The following TENM3 variants were observed in gnomAD, a reference collection of about 807,000 sequenced individuals.
TENM3 encodes teneurin transmembrane protein 3, also known as teneurin-3.
In TENM3, 63 loss-of-function variants were observed where a neutral mutation model predicts 255.1. That is an observed-to-expected ratio of 0.25 (90% CI 0.20 to 0.30). TENM3 has a LOEUF of 0.30. Ranked by LOEUF, TENM3 falls within the 10% of genes least tolerant of loss-of-function variation. The pLI is 1.00. For missense variants in TENM3, 2,929 were observed against 3,461.1 expected (o/e 0.85, Z 3.86); for synonymous variants, 1,306 against 1,322.3 (o/e 0.99, Z 0.27).
intron 12 of TENM3, among the ~76,000 whole-genome samples, chr4:182,701,210 C>CTTTTTTTTTTTT (rs35538818): frequency 0.013 from 514 of 38,664 alleles, 188 homozygotes; most frequent in African/African-American, 0.016. Context: ...CAACTCTTGA[C>CTTTTTTTTTTTT]TTTTTTTTTT....
intron 3 of TENM3, among the ~76,000 whole-genome samples, chr4:182,499,017 A>G (rs535963441): frequency 3.9e-5 from 6 of 152,228 alleles, no homozygotes; most frequent in Non-Finnish European, 8.8e-5. Flanking sequence ...AGTATTTGCC[A>G]AAACTTGGAG....
intron 4 of TENM3, among the ~76,000 whole-genome samples, chr4:182,616,017 T>C (rs190913568): frequency 1.9e-4 from 29 of 152,346 alleles, no homozygotes; most frequent in African/African-American, 7.0e-4. Context: ...CGTCAGTTGC[T>C]GGGGTTTCAC....
At chr4:181,849,943 TCTCTCTCACA>T in the TENM3 span, among the ~76,000 whole-genome samples, 3 of 43,014 alleles carry the variant, frequency 7.0e-5, no homozygotes, top group Non-Finnish European at 9.9e-5. Flanking sequence ...TCTCTCTCTC[TCTCTCTCACA>T]CACACACACA....
chr4:182,257,449 G>A (rs1319854950), intron 1 of TENM3, among the ~76,000 whole-genome samples: 4 of 152,288 alleles, frequency 2.6e-5, no homozygotes, highest in South Asian at 2.1e-4. Context: ...ATGGGTCATG[G>A]CGTTACTGTC....
At chr4:182,144,658 TC>T (rs1440802037), upstream of TENM3, 1 of 143,000 alleles carries the variant, frequency 7.0e-6, no homozygotes, top group Non-Finnish European at 1.5e-5. Flanking sequence ...CGCGCCCGGC[TC>T]CTTTGAATTT....
In TENM3 at chr4:182,246,580, C is replaced by T. The variant is rs1419715755; in HGVS notation, c.-76+3104C>T. ...GCCCTCCTTCTAAAATTCTGCAGCA[C>T]GATCCCATCACGTAAGAATGTGTCT... On this transcript the variant is annotated intron_variant, in intron 1 of 27. Transcript: ENST00000511685. Among the ~76,000 whole-genome samples the T allele has an allele frequency of 2.0e-5, 3 of 152,138 alleles. No homozygotes were observed. The East Asian group carries it at 5.8e-4, about 29-fold the overall frequency.
the TENM3 span, among the ~76,000 whole-genome samples, chr4:181,855,873 G>A: frequency 6.7e-6 from 1 of 149,974 alleles, no homozygotes; most frequent in Admixed American, 6.7e-5. Context: ...ATAGGAGGAA[G>A]CAAGGAGAGA....
chr4:182,492,003 G>A (rs1735339426), intron 3 of TENM3, among the ~76,000 whole-genome samples: 1 of 152,166 alleles, frequency 6.6e-6, no homozygotes, highest in African/African-American at 2.4e-5. Context: ...GAATGGCAGT[G>A]GACTGCATCT....
At chr4:182,427,365 G>A (rs578152325) in intron 3 of TENM3, among the ~76,000 whole-genome samples, 21 of 152,300 alleles carry the variant, frequency 1.4e-4, no homozygotes, top group African/African-American at 4.1e-4. Flanking sequence ...TTGTTTTAGG[G>A]AGGGATAGTC....
At chr4:182,262,373 T>G (rs1758859364) in intron 1 of TENM3, among the ~76,000 whole-genome samples, 1 of 152,116 alleles carries the variant, frequency 6.6e-6, no homozygotes, top group South Asian at 2.1e-4. Flanking sequence ...AGTGAAGGCA[T>G]TCTAAGTTAC....
chr4:181,521,372 A>C, the TENM3 span, among the ~76,000 whole-genome samples: 3 of 152,230 alleles, frequency 2.0e-5, no homozygotes, highest in African/African-American at 7.2e-5. Flanking sequence ...TAAATATATA[A>C]GCTTTGTAAG....
At chr4:181,774,058 C>A in the TENM3 span, among the ~76,000 whole-genome samples, 1 of 102,808 alleles carries the variant, frequency 9.7e-6, no homozygotes, top group Non-Finnish European at 1.8e-5. Flanking sequence ...GGTACATGTG[C>A]ACATTGTGCA....
chr4:182,306,946 A>G (rs187350329), intron 1 of TENM3, among the ~76,000 whole-genome samples: 94 of 152,336 alleles, frequency 6.2e-4, no homozygotes, highest in Non-Finnish European at 1.1e-3. Context: ...CTTTCAGTTA[A>G]CACTCTGTAA....
chr4:182,085,759 CAT>C, the TENM3 span, among the ~76,000 whole-genome samples: 1 of 152,060 alleles, frequency 6.6e-6, no homozygotes, highest in Non-Finnish European at 1.5e-5. Flanking sequence ...TAATGAAAAA[CAT>C]ATATTATCTG....
the TENM3 span, among the ~76,000 whole-genome samples, chr4:182,080,812 G>A: frequency 5.3e-4 from 80 of 149,534 alleles, no homozygotes; most frequent in Middle Eastern, 6.9e-3. Context: ...GGCAACATAG[G>A]GAGACCCCGC....
At chr4:181,449,857 T>C in the TENM3 span, among the ~76,000 whole-genome samples, 1 of 152,198 alleles carries the variant, frequency 6.6e-6, no homozygotes, top group African/African-American at 2.4e-5. Context: ...TGTTTGGTAT[T>C]TGGACACCCA....
At chr4:182,624,161 T>C (rs1184799190) in intron 4 of TENM3, among the ~76,000 whole-genome samples, 1 of 152,174 alleles carries the variant, frequency 6.6e-6, no homozygotes, top group Non-Finnish European at 1.5e-5. Flanking sequence ...CAGCCATTCT[T>C]CTCTTTCTCT....
chr4:182,117,858 G>T, the TENM3 span, among the ~76,000 whole-genome samples: 6 of 152,096 alleles, frequency 3.9e-5, no homozygotes, highest in African/African-American at 1.4e-4. Flanking sequence ...CAGTTGAATT[G>T]AATCTGTAGA....
the TENM3 span, among the ~76,000 whole-genome samples, chr4:181,537,262 T>A: frequency 3.3e-5 from 5 of 152,228 alleles, no homozygotes; most frequent in African/African-American, 1.2e-4. Flanking sequence ...GAATTTTATA[T>A]TGCCATTATG....
Sources: allele counts gnomAD v4.1 joint callset (sites outside exome capture counted in the v4.1 genomes callset), GRCh38; gene constraint gnomAD v4.1.1; transcripts MANE v1.5; gene names NCBI Gene and HGNC (gene_info 2026-07-23, HGNC 2026-07-21).